Variants in CHRDL1 observed in about 807,000 individuals in gnomAD.
CHRDL1 encodes chordin like 1.
CHRDL1 carries 19 observed loss-of-function variants against 40.9 expected under a neutral mutation model. The observed-to-expected ratio is 0.46, with a 90% CI of 0.32 to 0.68. CHRDL1 has a LOEUF of 0.68. Ranked by LOEUF, CHRDL1 falls within the 30% of genes least tolerant of loss-of-function variation. CHRDL1 has a pLI of 0.03. For missense variants in CHRDL1, 329 were observed against 352.1 expected (o/e 0.93, Z 0.53); for synonymous variants, 136 against 123.4 (o/e 1.10, Z -0.68).
chrX:110,729,595 T>C (rs1232000895), intron 4 of CHRDL1, among the ~76,000 whole-genome samples: 5 of 111,673 alleles, frequency 4.5e-5, no homozygotes, highest in Non-Finnish European at 9.4e-5. Context: ...TATTGTAACA[T>C]AGGCCTTTGA....
At chrX:110,771,595 C>A (rs571540529) in intron 2 of CHRDL1, among the ~76,000 whole-genome samples, 1 of 112,339 alleles carries the variant, frequency 8.9e-6, no homozygotes, top group East Asian at 2.8e-4. Context: ...GTAATCATTG[C>A]CACAGATGCA....
intron 6 of CHRDL1, among the ~76,000 whole-genome samples, chrX:110,705,370 T>C (rs1462287704): frequency 1.1e-5 from 1 of 92,795 alleles, no homozygotes; most frequent in Non-Finnish European, 2.0e-5. Flanking sequence ...CACACATATA[T>C]ATATACACAC....
At chrX:110,779,991 G>A (rs938534359) in intron 2 of CHRDL1, among the ~76,000 whole-genome samples, 4 of 111,082 alleles carry the variant, frequency 3.6e-5, no homozygotes, top group African/African-American at 1.3e-4. Flanking sequence ...ATTGCTGGTA[G>A]ACAGAAAAGC....
intron 6 of CHRDL1, among the ~76,000 whole-genome samples, chrX:110,716,920 C>T (rs763495862): frequency 4.7e-4 from 52 of 111,522 alleles, no homozygotes; most frequent in Non-Finnish European, 7.3e-4. Flanking sequence ...AAATGGCCAC[C>T]ACTCATTCAT....
chrX:110,745,289 G>T (rs181746448), intron 4 of CHRDL1, among the ~76,000 whole-genome samples: 1 of 111,594 alleles, frequency 9.0e-6, no homozygotes, highest in Non-Finnish European at 1.9e-5. Flanking sequence ...TGCAAGAGAG[G>T]AAAGGGGATG....
chrX:110,686,731 G>T (rs148263888), intron 9 of CHRDL1, among the ~76,000 whole-genome samples: 1 of 108,409 alleles, frequency 9.2e-6, no homozygotes. Context: ...AGTTTGAATA[G>T]CTGGGTGTGG....
At chrX:110,705,344 T>C (rs1052234415) in intron 6 of CHRDL1, among the ~76,000 whole-genome samples, 5 of 47,411 alleles carry the variant, frequency 1.1e-4, no homozygotes, top group Non-Finnish European at 1.7e-4. Flanking sequence ...TATATACACA[T>C]ATATATATAT....
intron 2 of CHRDL1, among the ~76,000 whole-genome samples, chrX:110,764,866 T>C (rs757530353): frequency 1.8e-5 from 2 of 111,099 alleles, no homozygotes; most frequent in Non-Finnish European, 3.8e-5. Context: ...CCTGGTCTCC[T>C]GCAGTACCCT....
At chrX:110,774,742 CA>C (rs2089821201) in intron 2 of CHRDL1, among the ~76,000 whole-genome samples, 1 of 111,281 alleles carries the variant, frequency 9.0e-6, no homozygotes, top group Non-Finnish European at 1.9e-5. Context: ...ATACTAAAAC[CA>C]AAAGTCAAAA....
intron 3 of CHRDL1, among the ~76,000 whole-genome samples, chrX:110,761,450 G>A (rs1603228848): frequency 9.2e-6 from 1 of 108,118 alleles, no homozygotes; most frequent in Non-Finnish European, 1.9e-5. Flanking sequence ...AAAGGTCTCA[G>A]GTAAGAAGCT....
At chrX:110,709,025 C>G (rs1430392508) in intron 6 of CHRDL1, among the ~76,000 whole-genome samples, 1 of 111,989 alleles carries the variant, frequency 8.9e-6, no homozygotes, top group African/African-American at 3.2e-5. Context: ...TGGAGCCAAA[C>G]AGTTTGGATT....
chrX:110,694,253 T>C lies in CHRDL1; in HGVS notation c.688A>G (p.Arg230Gly). 1 of 1,209,954 alleles carries C rather than the reference T, an allele frequency of 8.3e-7. No individual in the cohort carries two copies. Among genetic ancestry groups the C allele is most frequent in the Non-Finnish European group, 1.1e-6 (1 of 893,596 alleles). The change falls in exon 8 of 12, where the codon AGA (arginine) becomes GGA (glycine). Residue 230 changes from arginine to glycine, a missense_variant. Physicochemically the swap from Arg to Gly is moderately radical, Grantham distance 125 (BLOSUM62 -2). Transcript: ENST00000372042. ...TCCATAAGAGCTCCCCGGTGACTTC[T>C]GGCCCCAGGAAAGCGGGACAGACCT... ...AGGLSRFPGA[R>G]SHRGALMDSQ...
chrX:110,744,446 C>T (rs923551982), intron 4 of CHRDL1, among the ~76,000 whole-genome samples: 1 of 111,203 alleles, frequency 9.0e-6, no homozygotes, highest in Admixed American at 9.5e-5. Context: ...TGGCTCTGGC[C>T]CTAGTGCTGT....
chrX:110,749,939 C>T (rs1167732183), intron 4 of CHRDL1, among the ~76,000 whole-genome samples: 1 of 111,852 alleles, frequency 8.9e-6, no homozygotes, highest in African/African-American at 3.3e-5. Flanking sequence ...TGAGAGCTGG[C>T]AACTCATTCT....
rs188741157 is a variant in CHRDL1 at position 110,690,085 on chromosome X, G to A, written c.779-1282C>T. On this transcript the variant is annotated intron_variant, in intron 8 of 11. Transcript: ENST00000372042. Reference sequence around the variant, plus strand: ...TTTTGAGATGGAGTCTCGCTCTGTCGCCCAGACTGGAGTGCAGTGGCGCTA... The same window carrying A: ...TTTTGAGATGGAGTCTCGCTCTGTCACCCAGACTGGAGTGCAGTGGCGCTA... Among the ~76,000 whole-genome samples the A allele has an allele frequency of 1.4e-3, 125 of 89,232 alleles. 2 individuals are homozygous for A. The highest frequency in any genetic ancestry group is 2.3e-3 in the Non-Finnish European group (107 of 47,490). The allele number at this position is 89,232 out of a possible 115,157, so 77.5% of individuals were successfully genotyped here.
intron 4 of CHRDL1, among the ~76,000 whole-genome samples, chrX:110,730,834 C>T (rs771998489): frequency 1.8e-5 from 2 of 112,050 alleles, no homozygotes; most frequent in East Asian, 5.6e-4. Context: ...ATTGGTTTGA[C>T]TTTCATCTTT....
chrX:110,689,737 CTA>C lies in CHRDL1; in HGVS notation c.779-936_779-935del, dbSNP rs1241574150. 2.2e-4 allele frequency among the ~76,000 whole-genome samples: 8 copies of C among 35,675 alleles called. 1 individual carries two copies. The highest frequency in any genetic ancestry group is 7.6e-4 in the African/African-American group (3 of 3,950). 31.0% of individuals were successfully genotyped at this position (35,675 alleles called of 115,157 possible). A position where few individuals can be genotyped will look rare whatever the true frequency, so the allele number is the denominator to read the frequency against. ...TATATATCTATATATATCTATATAT[CTA>C]TATATATCTATATATCTATATATCT... On this transcript the variant is annotated intron_variant, in intron 8 of 11. Coordinates refer to ENST00000372042, the MANE Select transcript of CHRDL1 (RefSeq NM_001143981.2).
chrX:110,679,485 C>A, intron 10 of CHRDL1, 60 bp from the exon 11 acceptor site: 2 of 767,270 alleles, frequency 2.6e-6, no homozygotes. Context: ...CCATCAACTC[C>A]TTTTTTTCTG....
intron 4 of CHRDL1, among the ~76,000 whole-genome samples, chrX:110,738,784 T>C (rs749350862): frequency 1.3e-4 from 14 of 109,914 alleles, no homozygotes; most frequent in African/African-American, 1.3e-4. Context: ...AATTATTCTA[T>C]GTATTCTATG....
Sources: gnomAD v4.1 joint callset for allele counts (sites outside exome capture counted in the v4.1 genomes callset) on GRCh38, gnomAD v4.1.1 for gene constraint, MANE v1.5 for transcripts, NCBI Gene and HGNC (gene_info 2026-07-23, HGNC 2026-07-21) for gene names.